Variants in PASD1 observed in about 807,000 individuals in gnomAD.
The protein encoded by PASD1 is PAS domain containing repressor 1.
PASD1 carries 13 observed loss-of-function variants against 58.8 expected under a neutral mutation model. That is an observed-to-expected ratio of 0.22 (90% CI 0.14 to 0.35). The LOEUF (loss-of-function observed/expected upper bound fraction) is 0.35. PASD1 is among the 10% of genes least tolerant of loss of function. PASD1 has a pLI of 1.00. For synonymous variants in PASD1, 236 were observed against 216.7 expected, an observed-to-expected ratio of 1.09 and a Z score of -0.78; for missense variants, 734 against 568.3, an observed-to-expected ratio of 1.29 and a Z score of -2.96.
chrX:151,632,775 C>T (rs2013884231), intron 8 of PASD1, among the ~76,000 whole-genome samples: 1 of 110,995 alleles, frequency 9.0e-6, no homozygotes, highest in South Asian at 3.8e-4. Flanking sequence ...TCAGTTTTGC[C>T]ATTTACAGTT....
chrX:151,620,550 A>G (rs1192268363), intron 4 of PASD1, among the ~76,000 whole-genome samples: 1 of 111,124 alleles, frequency 9.0e-6, no homozygotes, highest in East Asian at 2.8e-4. Context: ...GTCTAAATAA[A>G]TGATTTTTGG....
intron 9 of PASD1, among the ~76,000 whole-genome samples, chrX:151,655,821 G>A (rs1393134439): frequency 8.9e-6 from 1 of 111,882 alleles, no homozygotes; most frequent in South Asian, 3.8e-4. Flanking sequence ...TCACTCTGAC[G>A]GTAGTTTCTT....
At chrX:151,644,389 C>T (rs113542395) in intron 8 of PASD1, among the ~76,000 whole-genome samples, 5 of 111,720 alleles carry the variant, frequency 4.5e-5, no homozygotes, top group African/African-American at 1.6e-4. Flanking sequence ...TAGCAACATT[C>T]CCAACTCTCT....
At position 151,594,096 on chromosome X, in the gene PASD1, C is replaced by T. The variant is rs181904189; in HGVS notation, c.-27-7431C>T. Among the ~76,000 whole-genome samples, 771 of 110,671 alleles carry T rather than the reference C, an allele frequency of 7.0e-3. 12 individuals are homozygous for T. Among genetic ancestry groups the T allele is most frequent in the African/African-American group, 0.025 (745 of 30,354 alleles). ...TCATGCCATTCTCCTGCCTCAGCCTCCTGAGCAGCTGGGACTACAGGTGCC... is the reference window on the plus strand; with the variant it reads ...TCATGCCATTCTCCTGCCTCAGCCTTCTGAGCAGCTGGGACTACAGGTGCC... On this transcript the variant is annotated intron_variant, in intron 1 of 15. Transcript: ENST00000370357.
At chrX:151,580,432 A>G (rs1417836493) in intron 1 of PASD1, among the ~76,000 whole-genome samples, 3 of 111,085 alleles carry the variant, frequency 2.7e-5, no homozygotes, top group Non-Finnish European at 5.7e-5. Flanking sequence ...AAAGAGAACC[A>G]GGATATTAGA....
chrX:151,671,124 G>C lies in PASD1; in HGVS notation c.1158G>C (p.Glu386Asp), dbSNP rs941907973. 3.3e-6 allele frequency: 4 copies of C among 1,212,007 alleles called. No homozygotes were observed. The highest frequency in any genetic ancestry group is 1.7e-5 in the African/African-American group (1 of 57,924). Reference sequence around the variant, plus strand: ...AGAAGTTGAAGGAGCAGCTAGAAGAGAGGACTTGGTTGCTGCATGATGCCA... The same window carrying C: ...AGAAGTTGAAGGAGCAGCTAGAAGACAGGACTTGGTTGCTGCATGATGCCA... Reference protein sequence around the residue: ...LMKKLKEQLEERTWLLHDAIQ... With the variant: ...LMKKLKEQLEDRTWLLHDAIQ... The change falls in exon 12 of 16, where the codon GAG becomes GAC. Residue 386 changes from glutamate (E) to aspartate (D), a missense_variant. By Grantham distance (45) the Glu-to-Asp change is conservative. Coordinates refer to ENST00000370357, the MANE Select transcript of PASD1 (RefSeq NM_173493.3).
intron 8 of PASD1, among the ~76,000 whole-genome samples, chrX:151,637,613 C>T (rs1007924155): frequency 5.4e-5 from 6 of 111,009 alleles, no homozygotes; most frequent in Admixed American, 1.9e-4. Context: ...GTGATCTGCC[C>T]GCCTCGGCCT....
intron 1 of PASD1, among the ~76,000 whole-genome samples, chrX:151,567,680 G>A: frequency 8.9e-6 from 1 of 111,854 alleles, no homozygotes; most frequent in Non-Finnish European, 1.9e-5. Context: ...CCGAAAGTCA[G>A]TCTCTTAAAA....
chrX:151,598,032 C>T (rs1033148210), intron 1 of PASD1, among the ~76,000 whole-genome samples: 1 of 112,322 alleles, frequency 8.9e-6, no homozygotes, highest in Non-Finnish European at 1.9e-5. Flanking sequence ...GCCCGGCCAA[C>T]TTACTAATTT....
In PASD1 at chrX:151,625,478, G is replaced by A; in HGVS notation, c.577G>A (p.Glu193Lys). 8.3e-7 allele frequency: 1 copy of A among 1,209,963 alleles called. No homozygotes were observed. The highest frequency in any genetic ancestry group is 1.1e-6 in the Non-Finnish European group (1 of 894,513). ...TTACACTTCAAAGGCAGTCAGTGAT[G>A]AAGCTGTACTTACACAAGATTCAGA... is the stretch of plus-strand genomic sequence containing the variant. ...QLYTSKAVSDEAVLTQDSDEE... is the reference protein window; with the variant it reads ...QLYTSKAVSDKAVLTQDSDEE... The change falls in exon 8 of 16, where the codon GAA becomes AAA. Residue 193 changes from glutamate (E) to lysine (K), a missense_variant. Glu to Lys is a moderately conservative substitution (Grantham distance 56, BLOSUM62 1). Coordinates refer to ENST00000370357, the MANE Select transcript of PASD1 (RefSeq NM_173493.3).
chrX:151,655,820 C>T (rs368383364), intron 9 of PASD1, among the ~76,000 whole-genome samples: 74 of 111,669 alleles, frequency 6.6e-4, no homozygotes, highest in East Asian at 2.3e-3. Context: ...TTCACTCTGA[C>T]GGTAGTTTCT....
At chrX:151,568,753 C>G (rs779793614) in intron 1 of PASD1, among the ~76,000 whole-genome samples, 1 of 111,979 alleles carries the variant, frequency 8.9e-6, no homozygotes, top group South Asian at 3.8e-4. Flanking sequence ...AGCTTGTCTC[C>G]TTGTTAAGGT....
At chrX:151,647,124 A>G (rs1569412570) in intron 8 of PASD1, among the ~76,000 whole-genome samples, 1 of 111,778 alleles carries the variant, frequency 8.9e-6, no homozygotes. Context: ...TGCTGAAGGC[A>G]GTTGGATATG....
rs1489547802 is a variant in PASD1, at chrX:151,671,159, A to T, written c.1193A>T (p.Gln398Leu). ...TTGCTGCATGATGCCATCCAAAACC[A>T]GCAGAATGCATTGGAATTGATGATG... is the stretch of plus-strand genomic sequence containing the variant. ...TWLLHDAIQNQQNALELMMDH... is the reference protein window; with the variant it reads ...TWLLHDAIQNLQNALELMMDH... The change falls in exon 12 of 16, where the codon CAG (glutamine) becomes CTG (leucine). Residue 398 changes from glutamine to leucine, a missense_variant. By Grantham distance (113) the Gln-to-Leu change is moderately radical. Transcript: ENST00000370357. 1 of 1,210,219 alleles carries T rather than the reference A, an allele frequency of 8.3e-7. No homozygotes were observed. The highest frequency in any genetic ancestry group is 1.1e-6 in the Non-Finnish European group (1 of 895,321).
At chrX:151,617,261 C>T (rs763841125) in intron 4 of PASD1, among the ~76,000 whole-genome samples, 1 of 111,341 alleles carries the variant, frequency 9.0e-6, no homozygotes, top group East Asian at 2.8e-4. Context: ...CAGGTCTCCT[C>T]CCTTTTTCTA....
chrX:151,587,566 C>T (rs1163561031), intron 1 of PASD1, among the ~76,000 whole-genome samples: 6 of 103,128 alleles, frequency 5.8e-5, no homozygotes, highest in Non-Finnish European at 1.2e-4. Context: ...TGCGTGCTTC[C>T]GTGGAATTGA....
intron 1 of PASD1, among the ~76,000 whole-genome samples, chrX:151,600,369 T>C (rs1012409834): frequency 9.0e-6 from 1 of 111,046 alleles, no homozygotes; most frequent in Non-Finnish European, 1.9e-5. Flanking sequence ...TAATTTTGAA[T>C]GGTGAGCTCA....
At chrX:151,653,791 TTTCTTTCTTTCC>T (rs1454759461) in intron 9 of PASD1, among the ~76,000 whole-genome samples, 12 of 16,706 alleles carry the variant, frequency 7.2e-4, no homozygotes, top group African/African-American at 1.4e-3. Context: ...TCTTTCTTTC[TTTCTTTCTTTCC>T]TTCCTTCCTT....
intron 1 of PASD1, among the ~76,000 whole-genome samples, chrX:151,581,247 A>AAAAAAAAAAAAAAAAAAAAAT: frequency 9.7e-6 from 1 of 103,238 alleles, no homozygotes; most frequent in Non-Finnish European, 2.0e-5. Context: ...AAAAAAAAAA[A>AAAAAAAAAAAAAAAAAAAAAT]AAAAAAGTAA....
Sources: gnomAD v4.1 joint callset for allele counts (sites outside exome capture counted in the v4.1 genomes callset) on GRCh38, gnomAD v4.1.1 for gene constraint, MANE v1.5 for transcripts, NCBI Gene and HGNC (gene_info 2026-07-23, HGNC 2026-07-21) for gene names.